Variants in SYT16 observed in about 807,000 individuals in gnomAD.
The protein encoded by SYT16 is synaptotagmin-16.
A neutral mutation model predicts 61.4 loss-of-function variants in SYT16; 42 were observed. The observed-to-expected ratio is 0.68, with a 90% CI of 0.53 to 0.89. SYT16 has a LOEUF of 0.89. Among genes scored for constraint, SYT16 ranks in the 40% least tolerant of loss-of-function variants. SYT16 has a pLI of 0.00. For missense variants in SYT16, 804 were observed against 807.3 expected (o/e 1.00, Z 0.05); for synonymous variants, 314 against 302.3 (o/e 1.04, Z -0.40).
intron 1 of SYT16, among the ~76,000 whole-genome samples, chr14:61,871,124 G>A (rs908511815): frequency 2.6e-5 from 4 of 152,044 alleles, no homozygotes; most frequent in African/African-American, 9.7e-5. Context: ...TTTTTAGATG[G>A]GTATAAATCA....
At chr14:61,924,222 A>G (rs2049448963) in intron 1 of SYT16, among the ~76,000 whole-genome samples, 1 of 152,146 alleles carries the variant, frequency 6.6e-6, no homozygotes, top group Non-Finnish European at 1.5e-5. Flanking sequence ...GGTGAAGTTT[A>G]TTTATTGAGA....
chr14:62,044,292 T>C (rs2054871395), intron 3 of SYT16, among the ~76,000 whole-genome samples: 1 of 152,212 alleles, frequency 6.6e-6, no homozygotes, highest in Admixed American at 6.5e-5. Context: ...TCTTTTCTTC[T>C]TTTAATTTTA....
At position 62,084,268 on chromosome 14, in the gene SYT16, C is replaced by A. The variant is rs1394984380; in HGVS notation, c.1507C>A (p.His503Asn). The change falls in exon 7 of 8, where the codon CAT becomes AAT. Residue 503 changes from histidine (H) to asparagine (N), a missense_variant. Transcript: ENST00000683842. ...DSTSSTQSLS[H>N]GGAPELLVGL... ...TACTTCATCCACGCAGTCGCTGTCT[C>A]ATGGAGGGGCGCCAGAGCTGTTGGT... The A allele has an allele frequency of 1.2e-6, 2 of 1,613,842 alleles. No homozygotes were observed. The highest frequency in any genetic ancestry group is 1.3e-5 in the African/African-American group (1 of 74,926).
At chr14:61,864,176 C>G (rs1355715357) in intron 1 of SYT16, among the ~76,000 whole-genome samples, 2 of 152,204 alleles carry the variant, frequency 1.3e-5, no homozygotes, top group Non-Finnish European at 2.9e-5. Flanking sequence ...GGGGTTGTTT[C>G]AAATTTTCCA....
At chr14:61,971,734 A>T (rs2051566135) in intron 2 of SYT16, among the ~76,000 whole-genome samples, 1 of 152,232 alleles carries the variant, frequency 6.6e-6, no homozygotes, top group Admixed American at 6.5e-5. Context: ...GGAGAGGTGT[A>T]AATTGCAGAT....
intron 1 of SYT16, among the ~76,000 whole-genome samples, chr14:61,957,297 A>T (rs2050916593): frequency 6.6e-6 from 1 of 151,706 alleles, no homozygotes; most frequent in South Asian, 2.1e-4. Flanking sequence ...GATTTGGATG[A>T]CTTTTATTTC....
At chr14:61,907,905 A>G (rs1458038729) in intron 1 of SYT16, among the ~76,000 whole-genome samples, 1 of 152,234 alleles carries the variant, frequency 6.6e-6, no homozygotes, top group Non-Finnish European at 1.5e-5. Context: ...TCGTGTTCCT[A>G]CAAAGAGATT....
chr14:61,895,418 T>C (rs751955358), intron 1 of SYT16, among the ~76,000 whole-genome samples: 2 of 152,230 alleles, frequency 1.3e-5, no homozygotes, highest in Non-Finnish European at 2.9e-5. Context: ...GTGTCCACTT[T>C]TCAGCTCAGC....
intron 1 of SYT16, among the ~76,000 whole-genome samples, chr14:61,833,706 CTTTTTTT>C (rs11357318): frequency 6.2e-5 from 3 of 48,346 alleles, no homozygotes; most frequent in East Asian, 7.3e-4. Context: ...CCAGCAGTGG[CTTTTTTT>C]TTTTTTTTTT....
At chr14:62,042,374 G>T (rs976615911) in intron 3 of SYT16, among the ~76,000 whole-genome samples, 1 of 152,110 alleles carries the variant, frequency 6.6e-6, no homozygotes, top group Non-Finnish European at 1.5e-5. Flanking sequence ...AAATATTTTT[G>T]AGCTTTGTTC....
chr14:61,830,699 G>A (rs957760776), intron 1 of SYT16, among the ~76,000 whole-genome samples: 1 of 152,134 alleles, frequency 6.6e-6, no homozygotes. Context: ...CCTTCAGTTA[G>A]TAAGTGCAGG....
intron 3 of SYT16, among the ~76,000 whole-genome samples, chr14:62,035,493 T>C (rs1057227425): frequency 6.6e-6 from 1 of 152,186 alleles, no homozygotes; most frequent in African/African-American, 2.4e-5. Context: ...TGAAGGAATA[T>C]ATATTTAATT....
In SYT16 at chr14:61,905,628, G is replaced by A. The variant is rs142492073; in HGVS notation, c.-324-64504G>A. ...CTCTTCTTACACCTGCTAGCTGACT[G>A]TCCACACCCCGGGTCTCTTTGGAAG... On this transcript the variant is annotated intron_variant, in intron 1 of 7. Transcript: ENST00000683842. Among the ~76,000 whole-genome samples the A allele has an allele frequency of 5.3e-5, 8 of 152,216 alleles. No individual in the cohort carries two copies. The East Asian group carries it at 7.7e-4, about 15-fold the overall frequency.
intron 1 of SYT16, among the ~76,000 whole-genome samples, chr14:61,943,949 G>C (rs566793392): frequency 6.6e-6 from 1 of 152,330 alleles, no homozygotes; most frequent in South Asian, 2.1e-4. Context: ...AATTGTCTCT[G>C]TTTGCAGATG....
In SYT16 at chr14:62,084,351, C is replaced by T. The variant is rs1414717349; in HGVS notation, c.1590C>T (p.Ser530=). 1 of 1,612,746 alleles carries T rather than the reference C, an allele frequency of 6.2e-7. No individual in the cohort carries two copies. Among genetic ancestry groups the T allele is most frequent in the Non-Finnish European group, 8.5e-7 (1 of 1,179,692 alleles). The change falls in exon 7 of 8, where the codon AGC becomes AGT. Residue 530 remains serine, a synonymous_variant. Coordinates refer to ENST00000683842, the MANE Select transcript of SYT16 (RefSeq NM_001367656.1). ...GRLSVEMIKG[S]HFRNLAVNRA... ...TATCTGTGGAAATGATCAAAGGCAGCCATTTCCGAAACCTCGCTGTTAACC... is the reference window on the plus strand; with the variant it reads ...TATCTGTGGAAATGATCAAAGGCAGTCATTTCCGAAACCTCGCTGTTAACC...
intron 1 of SYT16, among the ~76,000 whole-genome samples, chr14:61,929,144 T>C (rs912036846): frequency 2.0e-5 from 3 of 152,222 alleles, no homozygotes; most frequent in Non-Finnish European, 4.4e-5. Context: ...CAGTTCAGGC[T>C]GTTTTGATGT....
intron 3 of SYT16, among the ~76,000 whole-genome samples, chr14:62,023,389 CA>C (rs2053983927): frequency 1.3e-5 from 2 of 152,160 alleles, no homozygotes; most frequent in African/African-American, 4.8e-5. Flanking sequence ...CCCAAACATA[CA>C]GGTGATAAAA....
intron 4 of SYT16, 127 bp from the exon 5 acceptor site, chr14:62,075,008 G>T: frequency 1.0e-6 from 1 of 967,118 alleles, no homozygotes; most frequent in Non-Finnish European, 1.5e-6. Context: ...TTATGTTTCT[G>T]CAGGTATTAT....
intron 2 of SYT16, among the ~76,000 whole-genome samples, chr14:61,975,758 C>T (rs561769429): frequency 1.3e-5 from 2 of 152,266 alleles, no homozygotes; most frequent in East Asian, 1.9e-4. Context: ...GATTACAATT[C>T]AAAATGAGGT....
Sources: gnomAD v4.1 joint callset for allele counts (sites outside exome capture counted in the v4.1 genomes callset) on GRCh38, gnomAD v4.1.1 for gene constraint, MANE v1.5 for transcripts, NCBI Gene and HGNC (gene_info 2026-07-23, HGNC 2026-07-21) for gene names.